APP: variants seen among roughly 807,000 people sequenced by gnomAD.
APP encodes the protein amyloid beta precursor protein.
A neutral mutation model predicts 101.4 loss-of-function variants in APP; 31 were observed. The observed-to-expected ratio is 0.31, with a 90% CI of 0.23 to 0.41. The LOEUF is 0.41. Ranked by LOEUF, APP falls within the 10% of genes least tolerant of loss-of-function variation. APP has a pLI of 1.00. For synonymous variants in APP, 366 were observed against 364.4 expected (o/e 1.00, Z -0.05); for missense variants, 839 against 1,003.7 (o/e 0.84, Z 2.22).
At chr21:26,035,705 G>A (rs768039) in intron 5 of APP, among the ~76,000 whole-genome samples, 35,575 of 152,092 alleles carry the variant, frequency 0.23, 4,947 homozygotes, top group South Asian at 0.36. Flanking sequence ...CATCCTGGCT[G>A]CTGTACAGAG....
chr21:25,970,564 TA>T (rs974287355), intron 11 of APP, among the ~76,000 whole-genome samples: 2 of 151,836 alleles, frequency 1.3e-5, no homozygotes, highest in Non-Finnish European at 2.9e-5. Flanking sequence ...TGCAGAGATA[TA>T]AAAAAAAATT....
chr21:26,104,562 G>A (rs1255472561), intron 2 of APP, among the ~76,000 whole-genome samples: 1 of 152,134 alleles, frequency 6.6e-6, no homozygotes, highest in African/African-American at 2.4e-5. Flanking sequence ...ATAAAAGACT[G>A]TGTTTTTACT....
At chr21:26,129,663 C>A (rs759600878) in intron 1 of APP, among the ~76,000 whole-genome samples, 3 of 151,826 alleles carry the variant, frequency 2.0e-5, no homozygotes, top group Admixed American at 2.0e-4. Flanking sequence ...TAAAGTGACA[C>A]GAAGTATAGA....
At chr21:25,946,590 C>T (rs955837323) in intron 13 of APP, among the ~76,000 whole-genome samples, 5 of 152,008 alleles carry the variant, frequency 3.3e-5, no homozygotes, top group South Asian at 2.1e-4. Flanking sequence ...CGCTTGAATC[C>T]GTAAGGCGGA....
chr21:26,044,033 G>A (rs1568901235), intron 5 of APP, among the ~76,000 whole-genome samples: 1 of 152,162 alleles, frequency 6.6e-6, no homozygotes, highest in Non-Finnish European at 1.5e-5. Flanking sequence ...CTGTGCTAAA[G>A]AAGACAAAAT....
At chr21:26,150,584 T>C (rs1182125039) in intron 1 of APP, among the ~76,000 whole-genome samples, 1 of 95,006 alleles carries the variant, frequency 1.1e-5, no homozygotes, top group Non-Finnish European at 2.0e-5. Context: ...GCACAGAGTA[T>C]ACTGATTGAC....
intron 3 of APP, among the ~76,000 whole-genome samples, chr21:26,057,587 G>A (rs546329043): frequency 6.6e-6 from 1 of 152,226 alleles, no homozygotes; most frequent in African/African-American, 2.4e-5. Context: ...GAACAAGGAT[G>A]GCAAATTCAA....
chr21:26,156,860 TG>T (rs74656716), intron 1 of APP, among the ~76,000 whole-genome samples: 78,242 of 151,904 alleles, frequency 0.52, 22,413 homozygotes, highest in Non-Finnish European at 0.64. Flanking sequence ...GCTTCACGGG[TG>T]AAAAAAAGTA....
intron 6 of APP, among the ~76,000 whole-genome samples, chr21:26,000,446 T>C (rs1482718883): frequency 1.3e-5 from 2 of 152,318 alleles, no homozygotes; most frequent in South Asian, 4.1e-4. Flanking sequence ...GAAAAGATCA[T>C]TTGGCTGCTT....
intron 17 of APP, among the ~76,000 whole-genome samples, chr21:25,888,354 T>A (rs2037474514): frequency 6.6e-6 from 1 of 152,176 alleles, no homozygotes; most frequent in Admixed American, 6.5e-5. Context: ...CCTGGGAACA[T>A]GCCTAGGCTG....
intron 17 of APP, among the ~76,000 whole-genome samples, chr21:25,888,140 A>G (rs1175412350): frequency 6.6e-6 from 1 of 152,152 alleles, no homozygotes; most frequent in East Asian, 1.9e-4. Context: ...GGAAATATTG[A>G]TGTACTCATT....
At chr21:26,063,343 T>C (rs2046344186) in intron 3 of APP, among the ~76,000 whole-genome samples, 1 of 152,206 alleles carries the variant, frequency 6.6e-6, no homozygotes, top group Non-Finnish European at 1.5e-5. Context: ...CCTTGCTCTA[T>C]CAACTGAGAA....
intron 1 of APP, among the ~76,000 whole-genome samples, chr21:26,150,619 A>G (rs1160970109): frequency 6.8e-6 from 1 of 146,158 alleles, no homozygotes; most frequent in Non-Finnish European, 1.5e-5. Flanking sequence ...ATAGATAGAC[A>G]GATAGATAGA....
intron 3 of APP, among the ~76,000 whole-genome samples, chr21:26,071,205 T>C (rs985567413): frequency 2.0e-5 from 3 of 152,152 alleles, no homozygotes; most frequent in Non-Finnish European, 4.4e-5. Context: ...CTTCAGACTA[T>C]GTTTTCCTGT....
intron 17 of APP, among the ~76,000 whole-genome samples, chr21:25,887,587 T>TA (rs1453146127): frequency 7.1e-6 from 1 of 140,454 alleles, no homozygotes. Context: ...ACTCTACCAA[T>TA]AAAAATACAG....
intron 5 of APP, among the ~76,000 whole-genome samples, chr21:26,044,467 G>C (rs1310907411): frequency 6.6e-6 from 1 of 152,212 alleles, no homozygotes; most frequent in Non-Finnish European, 1.5e-5. Context: ...CTTAGGCTAT[G>C]AGCCTTCACA....
At chr21:25,955,570 A>G (rs769115232) in intron 12 of APP, 57 bp downstream of exon 12, 28 of 1,613,218 alleles carry the variant, frequency 1.7e-5, no homozygotes, top group Non-Finnish European at 2.2e-5. Context: ...CACCAACCCA[A>G]GAAGCAAGAA....
At chr21:26,057,343 G>C (rs940555109) in intron 3 of APP, among the ~76,000 whole-genome samples, 3 of 152,120 alleles carry the variant, frequency 2.0e-5, no homozygotes, top group Non-Finnish European at 4.4e-5. Context: ...GCAAACTTTA[G>C]GCAATTTGGC....
At chr21:26,156,191 C>G (rs2063372396) in intron 1 of APP, among the ~76,000 whole-genome samples, 1 of 152,178 alleles carries the variant, frequency 6.6e-6, no homozygotes, top group East Asian at 1.9e-4. Context: ...TATAATCTCC[C>G]ATTTTTTAAA....
Sources: gnomAD v4.1 joint callset for allele counts (sites outside exome capture counted in the v4.1 genomes callset) on GRCh38, gnomAD v4.1.1 for gene constraint, MANE v1.5 for transcripts, NCBI Gene and HGNC (gene_info 2026-07-23, HGNC 2026-07-21) for gene names.